KCTD1: variants seen among roughly 807,000 people sequenced by gnomAD.
The protein encoded by KCTD1 is BTB/POZ domain-containing protein KCTD1.
In KCTD1, 24 loss-of-function variants were observed where a neutral mutation model predicts 66.0. The ratio of observed to expected loss-of-function variants is 0.36; its 90% CI spans 0.26 to 0.51. KCTD1 has a LOEUF of 0.51. KCTD1 is among the 20% of genes least tolerant of loss of function. The pLI, the probability that KCTD1 is intolerant of heterozygous loss-of-function variation, is 0.95. For synonymous variants in KCTD1, 511 were observed against 517.2 expected (o/e 0.99, Z 0.16); for missense variants, 943 against 1,205.2 (o/e 0.78, Z 3.22).
intron 1 of KCTD1, among the ~76,000 whole-genome samples, chr18:26,538,758 C>T (rs542873212): frequency 6.6e-5 from 10 of 152,288 alleles, no homozygotes; most frequent in African/African-American, 1.2e-4. Context: ...TCATCATTCC[C>T]GTTTGACTGA....
intron 1 of KCTD1, among the ~76,000 whole-genome samples, chr18:26,589,249 C>A (rs77647210): frequency 6.6e-6 from 1 of 152,104 alleles, no homozygotes; most frequent in Non-Finnish European, 1.5e-5. Context: ...CAGTCTTGGA[C>A]CTTGGGTTGG....
intron 1 of KCTD1, among the ~76,000 whole-genome samples, chr18:26,613,141 G>A (rs560562609): frequency 6.6e-6 from 1 of 152,266 alleles, no homozygotes; most frequent in African/African-American, 2.4e-5. Context: ...GCTAAACAGT[G>A]TATTTTTGGT....
intron 1 of KCTD1, chr18:26,600,246 T>C (rs917662709): frequency 1.0e-5 from 16 of 1,606,988 alleles, no homozygotes; most frequent in Admixed American, 3.3e-5. Context: ...ACCTGGGTGA[T>C]GCCTTCCGCT....
chr18:26,594,787 T>A (rs1252530979), intron 1 of KCTD1, among the ~76,000 whole-genome samples: 2 of 152,112 alleles, frequency 1.3e-5, no homozygotes, highest in African/African-American at 4.8e-5. Flanking sequence ...CCTCATCCAG[T>A]CAGTGGAAGG....
In KCTD1 at chr18:26,547,880, G is replaced by A. The variant is rs1567989295; in HGVS notation, c.657C>T (p.Ser219=). 6.5e-7 allele frequency: 1 copy of A among 1,543,084 alleles called. No homozygotes were observed. The highest frequency in any genetic ancestry group is 8.7e-7 in the Non-Finnish European group (1 of 1,146,834). The change falls in exon 1 of 5, where the codon AGC becomes AGT. Residue 219 remains serine, a synonymous_variant. Transcript: ENST00000580059. ...RSFYAEARSK[S]GQLYSKSSLI... ...GCGACGACTTGCTGTAGAGCTGGCCGCTTTTGGAGCGGGCCTCGGCATAGA... is the reference window on the plus strand; with the variant it reads ...GCGACGACTTGCTGTAGAGCTGGCCACTTTTGGAGCGGGCCTCGGCATAGA...
At chr18:26,569,582 T>TG (rs1354025002) in intron 1 of KCTD1, among the ~76,000 whole-genome samples, 2 of 140,198 alleles carry the variant, frequency 1.4e-5, no homozygotes, top group Admixed American at 7.1e-5. Context: ...AGGTGGGGGG[T>TG]GGGGGGTGCG....
At chr18:26,604,107 G>A (rs1263038501) in intron 1 of KCTD1, among the ~76,000 whole-genome samples, 3 of 152,152 alleles carry the variant, frequency 2.0e-5, no homozygotes, top group Non-Finnish European at 4.4e-5. Context: ...CAAAGGACAT[G>A]AACAGACACT....
chr18:26,476,509 C>A lies in KCTD1; in HGVS notation c.2133+6G>T. ...TGCTATTGGTGATTTAACATGGATC[C>A]CTCACCTTGAAATCATCAGGAATGA... On this transcript the variant is annotated splice_donor_region_variant and intron_variant, in intron 3 of 4. Transcript: ENST00000580059. This position sits in a 1 kb window ranked among gnomAD's most constrained non-coding sequence, Gnocchi z 4.9. 1 of 1,601,634 alleles carries A rather than the reference C, an allele frequency of 6.2e-7. No individual in the cohort carries two copies. The highest frequency in any genetic ancestry group is 1.1e-5 in the South Asian group (1 of 87,512).
intron 1 of KCTD1, among the ~76,000 whole-genome samples, chr18:26,638,401 C>A (rs1005544274): frequency 6.6e-6 from 1 of 152,012 alleles, no homozygotes; most frequent in African/African-American, 2.4e-5. Flanking sequence ...GCACAGCATA[C>A]AATTCATTTT....
intron 2 of KCTD1, among the ~76,000 whole-genome samples, chr18:26,483,269 T>C (rs1343415154): frequency 6.6e-6 from 1 of 152,138 alleles, no homozygotes; most frequent in South Asian, 2.1e-4. Flanking sequence ...TTCTTTCTTT[T>C]CTTTTTTCTT....
chr18:26,657,012 C>T (rs1252917405), intron 1 of KCTD1, among the ~76,000 whole-genome samples: 1 of 150,714 alleles, frequency 6.6e-6, no homozygotes, highest in Non-Finnish European at 1.5e-5. Context: ...GGCGGCTCCT[C>T]TCCGAGATCC....
chr18:26,534,826 T>C (rs988877741), intron 1 of KCTD1, among the ~76,000 whole-genome samples: 20 of 151,892 alleles, frequency 1.3e-4, no homozygotes, highest in Admixed American at 1.3e-3. Flanking sequence ...TGTACCTCTT[T>C]CTTTATGACC....
intron 1 of KCTD1, among the ~76,000 whole-genome samples, chr18:26,615,972 G>A (rs946121493): frequency 6.6e-6 from 1 of 151,890 alleles, no homozygotes. Flanking sequence ...TGTATTTTTA[G>A]TAGAGATGGG....
At chr18:26,588,327 A>AAGGGAAGGGAAGGGAAG (rs1986517366) in intron 1 of KCTD1, among the ~76,000 whole-genome samples, 2 of 111,038 alleles carry the variant, frequency 1.8e-5, no homozygotes, top group African/African-American at 3.3e-5. Context: ...GGGAAGGGAA[A>AAGGGAAGGGAAGGGAAG]GGGAGGGGAG....
intron 1 of KCTD1, among the ~76,000 whole-genome samples, chr18:26,656,533 G>T (rs988444332): frequency 2.0e-5 from 3 of 151,962 alleles, no homozygotes; most frequent in Non-Finnish European, 4.4e-5. Context: ...ATCTGGACCA[G>T]CCCGGCCGGC....
At chr18:26,484,740 CG>C (rs1981829280) in intron 2 of KCTD1, among the ~76,000 whole-genome samples, 1 of 152,076 alleles carries the variant, frequency 6.6e-6, no homozygotes, top group Non-Finnish European at 1.5e-5. Flanking sequence ...CTGGGTGTCA[CG>C]GAAGGACAGA....
At chr18:26,647,279 C>T (rs1350072611) in intron 1 of KCTD1, among the ~76,000 whole-genome samples, 4 of 150,214 alleles carry the variant, frequency 2.7e-5, no homozygotes, top group South Asian at 2.1e-4. Flanking sequence ...GAGGCTGAGG[C>T]GGGTGGATCA....
intron 1 of KCTD1, among the ~76,000 whole-genome samples, chr18:26,649,299 G>C (rs1987984130): frequency 6.6e-6 from 1 of 152,150 alleles, no homozygotes; most frequent in Admixed American, 6.6e-5. Context: ...CTGTTGATTT[G>C]ATTAAATAAA....
intron 3 of KCTD1, among the ~76,000 whole-genome samples, chr18:26,471,692 T>C (rs1160669773): frequency 1.3e-5 from 2 of 152,142 alleles, no homozygotes; most frequent in Non-Finnish European, 2.9e-5. Context: ...TCCCAGTATT[T>C]TGCAAGATGT....
Sources: allele counts gnomAD v4.1 joint callset (sites outside exome capture counted in the v4.1 genomes callset), GRCh38; gene constraint gnomAD v4.1.1; non-coding constraint Gnocchi (gnomAD v3.1); transcripts MANE v1.5; gene names NCBI Gene and HGNC (gene_info 2026-07-23, HGNC 2026-07-21).